PTPRT: variants seen among roughly 807,000 people sequenced by gnomAD.
PTPRT encodes the protein receptor-type tyrosine-protein phosphatase T.
In PTPRT, 56 loss-of-function variants were observed where a neutral mutation model predicts 176.8. The observed-to-expected ratio is 0.32, with a 90% CI of 0.26 to 0.40. The LOEUF (loss-of-function observed/expected upper bound fraction) is 0.40, where lower values mean the gene tolerates loss of function less well. Ranked by LOEUF, PTPRT falls within the 10% of genes least tolerant of loss-of-function variation. The pLI is 1.00. For missense variants in PTPRT, 1,540 were observed against 1,908.2 expected, an observed-to-expected ratio of 0.81 and a Z score of 3.60; for synonymous variants, 783 against 739.0, an observed-to-expected ratio of 1.06 and a Z score of -0.96.
chr20:42,260,941 A>T (rs537248004), intron 13 of PTPRT, among the ~76,000 whole-genome samples: 1 of 152,294 alleles, frequency 6.6e-6, no homozygotes, highest in East Asian at 1.9e-4. Flanking sequence ...CTCTTGGCCA[A>T]GGTTTTCTTG....
intron 7 of PTPRT, among the ~76,000 whole-genome samples, chr20:42,628,596 T>C (rs1040954179): frequency 2.6e-5 from 4 of 152,182 alleles, no homozygotes; most frequent in African/African-American, 9.7e-5. Flanking sequence ...GACCATCTAC[T>C]TTGTGTCAGG....
Position 42,546,479 on chromosome 20 carries a change from G to GAA in PTPRT, c.1154-73919_1154-73918dup, listed in dbSNP as rs34198393. Among the ~76,000 whole-genome samples, 625 of 147,424 alleles carry GAA rather than the reference G, an allele frequency of 4.2e-3. 3 individuals are homozygous for GAA. The highest frequency in any genetic ancestry group is 5.5e-3 in the African/African-American group (221 of 40,440). ...TTCTAACAAACAACAGACAAAAAAA[G>GAA]AAAAAAAAAACAAGAAAGAAAGAGA... On this transcript the variant is annotated intron_variant, in intron 7 of 30. Transcript: ENST00000373187.
At chr20:42,562,392 T>C (rs34055230) in intron 7 of PTPRT, among the ~76,000 whole-genome samples, 33,635 of 152,104 alleles carry the variant, frequency 0.22, 4,057 homozygotes, top group African/African-American at 0.31. Context: ...TTGTTCAACA[T>C]ATAAGTTTTG....
intron 9 of PTPRT, among the ~76,000 whole-genome samples, chr20:42,363,875 T>A (rs939468890): frequency 4.6e-5 from 7 of 152,130 alleles, no homozygotes; most frequent in African/African-American, 1.7e-4. Flanking sequence ...ACCTTGGAGC[T>A]CTTTTGTCAT....
At chr20:42,978,748 T>A (rs1246168796) in intron 1 of PTPRT, among the ~76,000 whole-genome samples, 1 of 152,136 alleles carries the variant, frequency 6.6e-6, no homozygotes, top group Non-Finnish European at 1.5e-5. Context: ...CCTCTGGTCA[T>A]CCTCACTGCT....
chr20:42,790,476 T>C (rs1192787184), intron 3 of PTPRT, among the ~76,000 whole-genome samples: 1 of 152,128 alleles, frequency 6.6e-6, no homozygotes, highest in East Asian at 1.9e-4. Context: ...CCCTTCACCA[T>C]GGACAGTATG....
intron 11 of PTPRT, among the ~76,000 whole-genome samples, chr20:42,318,296 T>C (rs1421446804): frequency 1.3e-5 from 2 of 152,230 alleles, no homozygotes; most frequent in South Asian, 2.1e-4. Context: ...CACTGAAAAA[T>C]AGCACAAGGA....
At chr20:42,855,029 G>A (rs956040923) in intron 2 of PTPRT, among the ~76,000 whole-genome samples, 1 of 152,202 alleles carries the variant, frequency 6.6e-6, no homozygotes, top group Non-Finnish European at 1.5e-5. Flanking sequence ...TGGCAGCATC[G>A]TTGGGTAACC....
intron 13 of PTPRT, among the ~76,000 whole-genome samples, chr20:42,264,605 T>C (rs2056808084): frequency 6.6e-6 from 1 of 152,214 alleles, no homozygotes; most frequent in South Asian, 2.1e-4. Flanking sequence ...ATGACCTTTG[T>C]GCACTCCAGA....
At chr20:42,671,939 T>C (rs1024663982) in intron 7 of PTPRT, among the ~76,000 whole-genome samples, 4 of 152,246 alleles carry the variant, frequency 2.6e-5, no homozygotes, top group African/African-American at 9.6e-5. Context: ...GAGGCAGTTA[T>C]CTGCTGATCT....
intron 7 of PTPRT, among the ~76,000 whole-genome samples, chr20:42,527,435 A>T (rs2072298951): frequency 6.6e-6 from 1 of 152,206 alleles, no homozygotes; most frequent in African/African-American, 2.4e-5. Flanking sequence ...TAAGGTCTGC[A>T]GCCACAGATG....
In PTPRT at chr20:42,930,485, T is replaced by C. The variant is rs1369126883; in HGVS notation, c.89-44553A>G. ...ACTTTTTTTACTTATTTCTATTTAA[T>C]TAATTTTTTTTTTTAGGAATAGGAT... On this transcript the variant is annotated intron_variant, in intron 1 of 30. Transcript: ENST00000373187. 2.0e-5 allele frequency among the ~76,000 whole-genome samples: 3 copies of C among 150,208 alleles called. No individual in the cohort carries two copies. The East Asian group carries it at 5.8e-4, about 29-fold the overall frequency.
At position 42,597,398 on chromosome 20, in the gene PTPRT, T is replaced by G. The variant is rs559249856; in HGVS notation, c.1153+80468A>C. ...TGCCATATTCTATGGCGATATGGTT[T>G]GGATCTGTGTCCCCGCCCAAATCTC... On this transcript the variant is annotated intron_variant, in intron 7 of 30. Coordinates refer to ENST00000373187, the MANE Select transcript of PTPRT (RefSeq NM_007050.6). Among the ~76,000 whole-genome samples, 10 of 152,338 alleles carry G rather than the reference T, an allele frequency of 6.6e-5. No individual in the cohort carries two copies. In the South Asian group the frequency reaches 2.1e-3, roughly 32 times the overall value.
At chr20:43,090,510 C>T (rs2011794923) in intron 1 of PTPRT, among the ~76,000 whole-genome samples, 2 of 152,212 alleles carry the variant, frequency 1.3e-5, no homozygotes, top group South Asian at 2.1e-4. Context: ...CCTCGTGATC[C>T]ACCCGCCTTG....
At chr20:42,156,814 G>A (rs1366879351) in intron 17 of PTPRT, among the ~76,000 whole-genome samples, 1 of 152,156 alleles carries the variant, frequency 6.6e-6, no homozygotes, top group Admixed American at 6.5e-5. Context: ...GCCATGCCCT[G>A]AGTCATCGTT....
intron 1 of PTPRT, among the ~76,000 whole-genome samples, chr20:42,909,240 C>T (rs1403386226): frequency 2.6e-5 from 4 of 152,208 alleles, no homozygotes; most frequent in African/African-American, 7.2e-5. Context: ...TCTATCATTG[C>T]TCTATTGATC....
rs182077042 is a variant in PTPRT at position 42,134,456 on chromosome 20, C to A, written c.2771-5626G>T. 2.0e-4 allele frequency among the ~76,000 whole-genome samples: 30 copies of A among 152,208 alleles called. No individual in the cohort carries two copies. The East Asian group carries it at 5.4e-3, about 27-fold the overall frequency. ...GCTCTCAGTTGAGGTGAGAGATGGGCAAGAGCTGGCTGTGGCGAGGAGGGA... is the reference window on the plus strand; with the variant it reads ...GCTCTCAGTTGAGGTGAGAGATGGGAAAGAGCTGGCTGTGGCGAGGAGGGA... On this transcript the variant is annotated intron_variant, in intron 18 of 30. Transcript: ENST00000373187.
chr20:42,555,439 A>T (rs560650860), intron 7 of PTPRT, among the ~76,000 whole-genome samples: 1 of 152,318 alleles, frequency 6.6e-6, no homozygotes, highest in Admixed American at 6.5e-5. Flanking sequence ...GAACATGATG[A>T]GTACGAGAGA....
intron 1 of PTPRT, among the ~76,000 whole-genome samples, chr20:43,115,853 G>T (rs1215314096): frequency 6.6e-6 from 1 of 152,186 alleles, no homozygotes; most frequent in Non-Finnish European, 1.5e-5. Context: ...TGCAAACCAG[G>T]AGCCTGAGGA....
Sources: allele counts gnomAD v4.1 joint callset (sites outside exome capture counted in the v4.1 genomes callset), GRCh38; gene constraint gnomAD v4.1.1; transcripts MANE v1.5; gene names NCBI Gene and HGNC (gene_info 2026-07-23, HGNC 2026-07-21).